Variants in ANXA8 observed in about 807,000 individuals in gnomAD.
ANXA8 encodes VAC-beta.
ANXA8 carries 9 observed loss-of-function variants against 26.8 expected under a neutral mutation model. The ratio of observed to expected loss-of-function variants is 0.34; its 90% CI spans 0.20 to 0.59. ANXA8 has a LOEUF of 0.59. ANXA8 is among the 20% of genes least tolerant of loss of function. The probability of loss-of-function intolerance (pLI) is 0.84; values close to 1 mark genes in which losing one functional copy is unlikely to be tolerated. For missense variants in ANXA8, 83 were observed against 238.5 expected (o/e 0.35, Z 4.29); for synonymous variants, 39 against 94.8 (o/e 0.41, Z 3.42).
the ANXA8 span, among the ~76,000 whole-genome samples, chr10:47,666,188 C>G: frequency 1.4e-5 from 2 of 145,880 alleles, no homozygotes; most frequent in African/African-American, 2.6e-5. Context: ...ACCCGCCCCC[C>G]CCATCCCCCA....
At chr10:47,567,846 A>G in the ANXA8 span, 199,649 of 283,364 alleles carry the variant, frequency 0.7, 71,689 homozygotes, top group African/African-American at 0.84. Flanking sequence ...ACTTTCAGAA[A>G]TTCAAGCTTA....
At chr10:47,544,098 C>T in the ANXA8 span, among the ~76,000 whole-genome samples, 8 of 151,498 alleles carry the variant, frequency 5.3e-5, no homozygotes, top group African/African-American at 1.7e-4. Context: ...CTCCAGCACC[C>T]GGGCACGAAG....
the ANXA8 span, among the ~76,000 whole-genome samples, chr10:47,580,812 T>C: frequency 6.7e-6 from 1 of 149,368 alleles, no homozygotes; most frequent in East Asian, 1.9e-4. Context: ...TGGTGGCTCA[T>C]GCCTGTAATC....
the ANXA8 span, among the ~76,000 whole-genome samples, chr10:47,693,223 T>C: frequency 6.6e-6 from 1 of 151,326 alleles, no homozygotes; most frequent in African/African-American, 2.4e-5. Context: ...TCCTACCAAA[T>C]AGTTTACAGG....
the ANXA8 span, among the ~76,000 whole-genome samples, chr10:47,688,443 A>G: frequency 6.7e-6 from 1 of 148,506 alleles, no homozygotes; most frequent in African/African-American, 2.5e-5. Context: ...TTTTTTTGAG[A>G]TGGAGTCTCG....
At chr10:47,603,711 A>T in the ANXA8 span, among the ~76,000 whole-genome samples, 11 of 147,282 alleles carry the variant, frequency 7.5e-5, no homozygotes, top group Admixed American at 7.3e-4. Context: ...GGGTTTCACC[A>T]AATTGGCCAG....
At chr10:47,681,821 T>C in the ANXA8 span, among the ~76,000 whole-genome samples, 184 of 122,644 alleles carry the variant, frequency 1.5e-3, no homozygotes, top group Non-Finnish European at 2.6e-3. Flanking sequence ...AATTACAAGC[T>C]TGAGCCACCG....
At chr10:47,612,780 T>C in the ANXA8 span, among the ~76,000 whole-genome samples, 1 of 73,950 alleles carries the variant, frequency 1.4e-5, no homozygotes, top group East Asian at 2.6e-4. Flanking sequence ...TCAGCCCTCT[T>C]GCCATACGAT....
the ANXA8 span, among the ~76,000 whole-genome samples, chr10:47,763,810 T>C: frequency 1.9e-5 from 2 of 107,882 alleles, no homozygotes; most frequent in Non-Finnish European, 3.8e-5. Context: ...AGGGGGTGGT[T>C]GTGGGGGAGT....
the ANXA8 span, among the ~76,000 whole-genome samples, chr10:47,659,100 T>C: frequency 6.6e-6 from 1 of 151,880 alleles, no homozygotes; most frequent in Non-Finnish European, 1.5e-5. Flanking sequence ...CTCGATCTCC[T>C]GACCTCGTGA....
chr10:47,982,801 CATATATATATATATATATATATAT>C, the ANXA8 span, among the ~76,000 whole-genome samples: 2 of 12,956 alleles, frequency 1.5e-4, no homozygotes, highest in African/African-American at 5.2e-4. Flanking sequence ...ATTTGCAAAT[CATATATATATATATATATATATAT>C]ATATATATAA....
chr10:47,733,215 T>TTCTCTCTCTCTCTCTCTG, the ANXA8 span, among the ~76,000 whole-genome samples: 1 of 95,046 alleles, frequency 1.1e-5, no homozygotes. Context: ...CTTTCTTTCT[T>TTCTCTCTCTCTCTCTCTG]TCTTTCTCTT....
At chr10:47,549,917 C>T in the ANXA8 span, among the ~76,000 whole-genome samples, 2 of 144,372 alleles carry the variant, frequency 1.4e-5, no homozygotes, top group African/African-American at 2.7e-5. Flanking sequence ...TCAGCCTGGG[C>T]CACATGGGGA....
chr10:47,694,619 C>G, the ANXA8 span, among the ~76,000 whole-genome samples: 1 of 151,616 alleles, frequency 6.6e-6, no homozygotes, highest in African/African-American at 2.4e-5. Flanking sequence ...CAGGGTTTCA[C>G]CATATTGGCC....
the ANXA8 span, among the ~76,000 whole-genome samples, chr10:47,766,013 C>T: frequency 7.2e-4 from 108 of 150,974 alleles, 1 homozygote; most frequent in African/African-American, 2.5e-3. Context: ...ATCATCCCCT[C>T]GTCCTCATGG....
chr10:47,714,272 T>C, the ANXA8 span, among the ~76,000 whole-genome samples: 6 of 140,528 alleles, frequency 4.3e-5, no homozygotes, highest in Admixed American at 4.3e-4. Context: ...ATATATGCTT[T>C]AGTTCTAGCT....
At chr10:47,970,343 T>C in the ANXA8 span, 1 of 151,260 alleles carries the variant, frequency 6.6e-6, no homozygotes, top group African/African-American at 2.4e-5. Context: ...ACTGAGCAGC[T>C]TGTGGCACTG....
chr10:47,986,682 C>A, the ANXA8 span: 89 of 360,046 alleles, frequency 2.5e-4, 1 homozygote, highest in East Asian at 4.2e-3. Context: ...TTCAACACAA[C>A]GCGTCACTCC....
the ANXA8 span, among the ~76,000 whole-genome samples, chr10:47,580,344 G>A: frequency 6.6e-6 from 1 of 152,042 alleles, no homozygotes; most frequent in African/African-American, 2.4e-5. Context: ...TCTAACAAGT[G>A]CAGAATATAT....
Sources: allele counts gnomAD v4.1 joint callset (sites outside exome capture counted in the v4.1 genomes callset), GRCh38; gene constraint gnomAD v4.1.1; transcripts MANE v1.5; gene names NCBI Gene and HGNC (gene_info 2026-07-23, HGNC 2026-07-21).